HACD3: variants seen among roughly 807,000 people sequenced by gnomAD.
The protein encoded by HACD3 is very-long-chain (3R)-3-hydroxyacyl-CoA dehydratase 3.
A neutral mutation model predicts 55.2 loss-of-function variants in HACD3; 30 were observed. That is an observed-to-expected ratio of 0.54 (90% CI 0.41 to 0.74). The LOEUF (loss-of-function observed/expected upper bound fraction) is 0.74. HACD3 is among the 30% of genes least tolerant of loss of function. The probability of loss-of-function intolerance (pLI) is 0.00; values close to 1 mark genes in which losing one functional copy is unlikely to be tolerated. For missense variants in HACD3, 363 were observed against 440.1 expected, an observed-to-expected ratio of 0.82 and a Z score of 1.57; for synonymous variants, 141 against 151.7, an observed-to-expected ratio of 0.93 and a Z score of 0.52.
rs528242285 is a variant in HACD3, at chr15:65,532,815, A to G, written c.87+2097A>G. Among the ~76,000 whole-genome samples the G allele has an allele frequency of 2.3e-4, 35 of 152,292 alleles. No individual in the cohort carries two copies. The East Asian group carries it at 3.9e-3, about 17-fold the overall frequency. ...TCATAAAAGAGTGTTTACATGTGTT[A>G]GCAATCCTCTAACACATGTAAGGTA... On this transcript the variant is annotated intron_variant, in intron 1 of 10. Coordinates refer to ENST00000261875, the MANE Select transcript of HACD3 (RefSeq NM_016395.4).
intron 1 of HACD3, among the ~76,000 whole-genome samples, chr15:65,533,081 A>C (rs1567328838): frequency 6.6e-6 from 1 of 152,260 alleles, no homozygotes; most frequent in Admixed American, 6.5e-5. Flanking sequence ...AATGTTCCAG[A>C]AAGAGAAAGG....
chr15:65,552,850 A>T (rs1242878397), intron 2 of HACD3, among the ~76,000 whole-genome samples: 3 of 90,354 alleles, frequency 3.3e-5, no homozygotes, highest in Admixed American at 1.3e-4. Flanking sequence ...CACTCCCCCC[A>T]CCCCACAACA....
intron 1 of HACD3, among the ~76,000 whole-genome samples, chr15:65,550,132 A>C (rs1192382866): frequency 6.6e-6 from 1 of 152,248 alleles, no homozygotes; most frequent in Non-Finnish European, 1.5e-5. Flanking sequence ...TCATGCCTGT[A>C]ATCCCAGCAC....
chr15:65,537,111 T>C (rs556642811), intron 1 of HACD3, among the ~76,000 whole-genome samples: 6 of 152,220 alleles, frequency 3.9e-5, no homozygotes, highest in Non-Finnish European at 5.9e-5. Context: ...CTTTCAATTC[T>C]ATGAAGGCTG....
chr15:65,556,706 A>G (rs757980055), intron 3 of HACD3, 33 bp from the exon 4 acceptor site: 9 of 1,577,916 alleles, frequency 5.7e-6, no homozygotes, highest in African/African-American at 1.3e-5. Context: ...GGAACAGAAG[A>G]GGGCATTCTC....
At chr15:65,567,927 TTTC>T (rs200402566) in intron 7 of HACD3, among the ~76,000 whole-genome samples, 5 of 133,550 alleles carry the variant, frequency 3.7e-5, no homozygotes, top group East Asian at 2.1e-4. Flanking sequence ...TCATAGTTTC[TTTC>T]TTTTTTTTTT....
chr15:65,538,476 A>T (rs947199796), intron 1 of HACD3, among the ~76,000 whole-genome samples: 14 of 152,130 alleles, frequency 9.2e-5, no homozygotes, highest in Non-Finnish European at 1.8e-4. Context: ...CAGCAATCTC[A>T]TGATAAAACT....
At chr15:65,532,710 G>C (rs548791871) in intron 1 of HACD3, among the ~76,000 whole-genome samples, 8 of 148,850 alleles carry the variant, frequency 5.4e-5, no homozygotes, top group South Asian at 2.1e-4. Flanking sequence ...TTGAGTTTTT[G>C]TTTTCTCTGG....
intron 7 of HACD3, among the ~76,000 whole-genome samples, chr15:65,569,329 C>T (rs1194665383): frequency 6.6e-6 from 1 of 151,084 alleles, no homozygotes; most frequent in African/African-American, 2.4e-5. Context: ...CAGAATGATA[C>T]ATATAGAATG....
At chr15:65,565,839 T>G (rs761889719) in intron 7 of HACD3, 1 of 152,260 alleles carries the variant, frequency 6.6e-6, no homozygotes, top group Admixed American at 6.5e-5. Context: ...TCTTTTCTAC[T>G]GAATCATCAG....
chr15:65,547,119 G>T (rs1224617280), intron 1 of HACD3, among the ~76,000 whole-genome samples: 1 of 151,760 alleles, frequency 6.6e-6, no homozygotes, highest in Non-Finnish European at 1.5e-5. Context: ...GAGTTCCCAG[G>T]ATTTTTTTTT....
chr15:65,533,652 G>A (rs1171776477), intron 1 of HACD3, among the ~76,000 whole-genome samples: 1 of 150,316 alleles, frequency 6.7e-6, no homozygotes, highest in Non-Finnish European at 1.5e-5. Flanking sequence ...CTTCTGGAGT[G>A]TCACGGGTTG....
intron 2 of HACD3, among the ~76,000 whole-genome samples, chr15:65,554,006 G>A (rs2072161812): frequency 6.6e-6 from 1 of 152,216 alleles, no homozygotes; most frequent in Non-Finnish European, 1.5e-5. Context: ...TTCATAAGCT[G>A]CGAAAGATTG....
At chr15:65,568,834 G>A (rs76757897) in intron 7 of HACD3, among the ~76,000 whole-genome samples, 22 of 152,266 alleles carry the variant, frequency 1.4e-4, no homozygotes, top group East Asian at 9.6e-4. Flanking sequence ...CACAGACCAC[G>A]GGAACAGAAT....
rs186412725 is a variant in HACD3, at chr15:65,564,629, A to G, written c.660+287A>G. The G allele has an allele frequency of 1.3e-4, 39 of 303,754 alleles. No individual in the cohort carries two copies. In the East Asian group the frequency reaches 3.2e-3, roughly 25 times the overall value. The allele number at this position is 303,754 out of a possible 1,614,324, so 18.8% of individuals were successfully genotyped here. On this transcript the variant is annotated intron_variant, in intron 7 of 10. Coordinates refer to ENST00000261875, the MANE Select transcript of HACD3 (RefSeq NM_016395.4). Reference sequence around the variant, plus strand: ...CCATCAGATCTCGTGAGACTTATTCACTATCCTGAGAATAGCATGGGAAAG... The same window carrying G: ...CCATCAGATCTCGTGAGACTTATTCGCTATCCTGAGAATAGCATGGGAAAG...
chr15:65,537,961 ATATATATATATATATAT>A (rs2071980058), intron 1 of HACD3, among the ~76,000 whole-genome samples: 4 of 4,428 alleles, frequency 9.0e-4, no homozygotes, highest in South Asian at 0.021. Context: ...AAAAAAAAAT[ATATATATATATATATAT>A]ATATATATAT....
At chr15:65,550,217 G>A (rs1399475332) in intron 1 of HACD3, among the ~76,000 whole-genome samples, 1 of 152,006 alleles carries the variant, frequency 6.6e-6, no homozygotes, top group African/African-American at 2.4e-5. Flanking sequence ...GTGAAACCTC[G>A]TCTCTGCAAA....
At chr15:65,563,949 A>G (rs753646498) in intron 6 of HACD3, among the ~76,000 whole-genome samples, 20 of 151,906 alleles carry the variant, frequency 1.3e-4, no homozygotes, top group Admixed American at 1.1e-3. Context: ...CAGCCTGGTG[A>G]CAGAGTAAGA....
intron 1 of HACD3, among the ~76,000 whole-genome samples, chr15:65,546,159 T>C (rs2141209805): frequency 6.6e-6 from 1 of 152,314 alleles, no homozygotes; most frequent in Admixed American, 6.5e-5. Context: ...CAACATCACA[T>C]GGAATAGAAC....
Sources: gnomAD v4.1 joint callset for allele counts (sites outside exome capture counted in the v4.1 genomes callset) on GRCh38, gnomAD v4.1.1 for gene constraint, MANE v1.5 for transcripts, NCBI Gene and HGNC (gene_info 2026-07-23, HGNC 2026-07-21) for gene names.